TET3: variants seen among roughly 807,000 people sequenced by gnomAD.
TET3 encodes the protein methylcytosine dioxygenase TET3.
In TET3, 19 loss-of-function variants were observed where a neutral mutation model predicts 141.4. That is an observed-to-expected ratio of 0.13 (90% confidence interval 0.09 to 0.20). The LOEUF is 0.20. TET3 is among the 10% of genes least tolerant of loss of function. The probability of loss-of-function intolerance (pLI) is 1.00; values close to 1 mark genes in which losing one functional copy is unlikely to be tolerated. For missense variants in TET3, 1,874 were observed against 2,356.9 expected (o/e 0.80, Z 4.24); for synonymous variants, 1,043 against 980.9 (o/e 1.06, Z -1.18).
chr2:74,048,205 G>C lies in TET3; in HGVS notation c.2288G>C (p.Gly763Ala), dbSNP rs945758590. Residue 763 changes from glycine (G) to alanine (A), a missense_variant, in exon 4 of 12, where the codon GGG becomes GCG. Physicochemically the swap from Gly to Ala is moderately conservative, Grantham distance 60. Transcript: ENST00000409262. The part of the protein sequence containing the change: ...SPKQIKIESS[G>A]AVTVLSTTCF... ...AAGCAAATCAAGATTGAGTCTTCGGGGGCTGTGACTGTGCTCTCAACCACC... is the reference window on the plus strand; with the variant it reads ...AAGCAAATCAAGATTGAGTCTTCGGCGGCTGTGACTGTGCTCTCAACCACC... 1 of 1,612,570 alleles carries C rather than the reference G, an allele frequency of 6.2e-7. No individual in the cohort carries two copies. The highest frequency in any genetic ancestry group is 1.3e-5 in the African/African-American group (1 of 74,800).
intron 4 of TET3, among the ~76,000 whole-genome samples, chr2:74,070,498 C>T (rs1689146063): frequency 6.6e-6 from 1 of 152,200 alleles, no homozygotes; most frequent in African/African-American, 2.4e-5. Flanking sequence ...GGTGGGGACA[C>T]AGCTAGACCA....
the TET3 span, chr2:74,122,428 G>C: frequency 6.9e-6 from 1 of 145,396 alleles, no homozygotes; most frequent in Non-Finnish European, 1.5e-5. Flanking sequence ...AGGAGTTCTG[G>C]TTGTGGATTT....
intron 2 of TET3, among the ~76,000 whole-genome samples, chr2:73,994,138 A>T (rs1369472946): frequency 6.6e-6 from 1 of 152,146 alleles, no homozygotes; most frequent in African/African-American, 2.4e-5. Flanking sequence ...TACTTGTTTT[A>T]AAAAAGAAAT....
chr2:74,061,155 C>A (rs1359057036), intron 4 of TET3, among the ~76,000 whole-genome samples: 5 of 146,358 alleles, frequency 3.4e-5, no homozygotes, highest in East Asian at 4.2e-4. Flanking sequence ...TGACCCCCCC[C>A]ACTTCCCTCC....
At chr2:74,036,276 T>C (rs1687054774) in intron 3 of TET3, among the ~76,000 whole-genome samples, 1 of 152,252 alleles carries the variant, frequency 6.6e-6, no homozygotes, top group African/African-American at 2.4e-5. Context: ...ATGTTCTTCC[T>C]CTTCAGTCCT....
intron 4 of TET3, among the ~76,000 whole-genome samples, chr2:74,052,756 G>C (rs2103746253): frequency 6.6e-6 from 1 of 152,214 alleles, no homozygotes; most frequent in South Asian, 2.1e-4. Context: ...TGTAATTCCA[G>C]TTACTCTGGA....
chr2:74,109,342 C>G (rs1691646640), downstream of TET3, among the ~76,000 whole-genome samples: 1 of 152,206 alleles, frequency 6.6e-6, no homozygotes. Flanking sequence ...TGGTTGCAAA[C>G]ATTTTGAGTG....
At chr2:74,010,182 G>C (rs1685353351) in intron 3 of TET3, among the ~76,000 whole-genome samples, 1 of 152,214 alleles carries the variant, frequency 6.6e-6, no homozygotes, top group Admixed American at 6.5e-5. Context: ...GTACTGGCAA[G>C]TGGGCCAAAG....
At position 74,093,429 on chromosome 2, in the gene TET3, T is replaced by C; in HGVS notation, c.3130-100T>C. 2 of 1,439,738 alleles carry C rather than the reference T, an allele frequency of 1.4e-6. No individual in the cohort carries two copies. The highest frequency in any genetic ancestry group is 4.8e-5 in the Admixed American group (2 of 41,418). The allele number at this position is 1,439,738 out of a possible 1,614,324, so 89.2% of individuals were successfully genotyped here. ...CAGTCGAAGGGCAAGGTGACTATCA[T>C]CCTTAACATCCCTCCTTCCAAGACC... On this transcript the variant is annotated intron_variant, in intron 9 of 11. Coordinates refer to ENST00000409262, the MANE Select transcript of TET3 (RefSeq NM_001287491.2). The surrounding 1 kb of genome is among the most constrained non-coding windows in gnomAD (Gnocchi z 4.2).
intron 3 of TET3, among the ~76,000 whole-genome samples, chr2:74,010,504 G>A (rs974309562): frequency 3.3e-5 from 5 of 152,240 alleles, no homozygotes; most frequent in Non-Finnish European, 7.3e-5. Flanking sequence ...GGTTCAACGA[G>A]TTTGGTGGTT....
chr2:74,001,812 C>G (rs573326818), intron 2 of TET3, among the ~76,000 whole-genome samples: 1 of 152,324 alleles, frequency 6.6e-6, no homozygotes, highest in Admixed American at 6.5e-5. Flanking sequence ...TGGGCTACCT[C>G]CCCTCCTCTG....
the TET3 span, chr2:74,122,224 T>C: frequency 8.6e-5 from 13 of 151,794 alleles, no homozygotes; most frequent in African/African-American, 3.1e-4. Flanking sequence ...GACAAAAATA[T>C]AGAAAAACAA....
intron 4 of TET3, among the ~76,000 whole-genome samples, chr2:74,053,249 C>CG (rs1164156694): frequency 6.6e-6 from 1 of 152,136 alleles, no homozygotes; most frequent in Non-Finnish European, 1.5e-5. Context: ...AGAGTCCCCC[C>CG]CCAACCATCC....
Position 74,003,857 on chromosome 2 carries a change from C to T in TET3, c.360+691C>T, listed in dbSNP as rs556258205. ...CTTCTCCTTGTGGTTGTCTGGGGGG[C>T]GGGGAGCTGGGGTGTTTGAGACAGG... On this transcript the variant is annotated intron_variant, in intron 3 of 11. Transcript: ENST00000409262. Among the ~76,000 whole-genome samples, 14 of 81,488 alleles carry T rather than the reference C, an allele frequency of 1.7e-4. No individual in the cohort carries two copies. In the South Asian group the frequency reaches 5.1e-3, roughly 29 times the overall value. 53.5% of individuals were successfully genotyped at this position (81,488 alleles called of 152,430 possible). A position where few individuals can be genotyped will look rare whatever the true frequency, so the allele number is the denominator to read the frequency against.
rs1691512548 is a variant in TET3, at chr2:74,106,529, G to T, written c.*4353G>T. 1 of 153,760 alleles carries T rather than the reference G, an allele frequency of 6.5e-6. No individual in the cohort carries two copies. The highest frequency in any genetic ancestry group is 1.5e-5 in the Non-Finnish European group (1 of 68,064). 9.5% of individuals were successfully genotyped at this position (153,760 alleles called of 1,614,324 possible). A position where few individuals can be genotyped will look rare whatever the true frequency, so the allele number is the denominator to read the frequency against. Reference sequence around the variant, plus strand: ...CTGGCACTGGCTGGGACCATGGTGGGCAGGGGCTTCATTCTCTGACCCAGC... The same window carrying T: ...CTGGCACTGGCTGGGACCATGGTGGTCAGGGGCTTCATTCTCTGACCCAGC... On this transcript the variant is annotated 3_prime_UTR_variant, in exon 12 of 12. Coordinates refer to ENST00000409262, the MANE Select transcript of TET3 (RefSeq NM_001287491.2).
intron 3 of TET3, among the ~76,000 whole-genome samples, chr2:74,028,286 T>C (rs1398605752): frequency 7.9e-6 from 1 of 126,556 alleles, no homozygotes; most frequent in East Asian, 2.0e-4. Flanking sequence ...TGCCTAGCCG[T>C]TTTTTTTTTC....
At chr2:73,991,745 C>T (rs1684334800) in intron 2 of TET3, among the ~76,000 whole-genome samples, 1 of 136,530 alleles carries the variant, frequency 7.3e-6, no homozygotes, top group Non-Finnish European at 1.5e-5. Context: ...GCAGAGGTTG[C>T]AGTGAGCTGA....
chr2:74,102,245 A>G lies in TET3; in HGVS notation c.*69A>G, dbSNP rs2104239247. 1 of 1,368,100 alleles carries G rather than the reference A, an allele frequency of 7.3e-7. No homozygotes were observed. The highest frequency in any genetic ancestry group is 1.5e-5 in the African/African-American group (1 of 68,384). 84.7% of individuals were successfully genotyped at this position (1,368,100 alleles called of 1,614,324 possible). A position where few individuals can be genotyped will look rare whatever the true frequency, so the allele number is the denominator to read the frequency against. On this transcript the variant is annotated 3_prime_UTR_variant, in exon 12 of 12. Coordinates refer to ENST00000409262, the MANE Select transcript of TET3 (RefSeq NM_001287491.2). ...CTGTCTCTGTGGTGCTTTTGCCCTCATACCTGGGGGCGGGTTGGGGGTGCA... is the reference window on the plus strand; with the variant it reads ...CTGTCTCTGTGGTGCTTTTGCCCTCGTACCTGGGGGCGGGTTGGGGGTGCA...
At chr2:74,033,026 T>G (rs4374402) in intron 3 of TET3, among the ~76,000 whole-genome samples, 41,196 of 152,082 alleles carry the variant, frequency 0.27, 5,942 homozygotes, top group African/African-American at 0.34. Context: ...GTGATCTGCC[T>G]CTGTGTTATA....
Sources: allele counts gnomAD v4.1 joint callset (sites outside exome capture counted in the v4.1 genomes callset), GRCh38; gene constraint gnomAD v4.1.1; non-coding constraint Gnocchi (gnomAD v3.1); transcripts MANE v1.5; gene names NCBI Gene and HGNC (gene_info 2026-07-23, HGNC 2026-07-21).